CAP2: variants seen among roughly 807,000 people sequenced by gnomAD.
CAP2 encodes the protein cyclase associated actin cytoskeleton regulatory protein 2, also known as adenylyl cyclase-associated protein 2.
In CAP2, 24 loss-of-function variants were observed where a neutral mutation model predicts 57.7. That is an observed-to-expected ratio of 0.42 (90% CI 0.30 to 0.58). The LOEUF (loss-of-function observed/expected upper bound fraction) is 0.58. Among genes scored for constraint, CAP2 ranks in the 20% least tolerant of loss-of-function variants. The probability of loss-of-function intolerance (pLI) is 0.22; values close to 1 mark genes in which losing one functional copy is unlikely to be tolerated. For synonymous variants in CAP2, 194 were observed against 207.2 expected, an observed-to-expected ratio of 0.94 and a Z score of 0.55; for missense variants, 501 against 590.3, an observed-to-expected ratio of 0.85 and a Z score of 1.57.
intron 4 of CAP2, among the ~76,000 whole-genome samples, chr6:17,480,209 C>A (rs1241404220): frequency 2.6e-5 from 4 of 152,166 alleles, no homozygotes; most frequent in African/African-American, 9.7e-5. Flanking sequence ...AGGCCCTTTG[C>A]AACTTATTTC....
chr6:17,507,230 G>C lies in CAP2; in HGVS notation c.362G>C (p.Arg121Thr). 6.2e-7 allele frequency: 1 copy of C among 1,614,196 alleles called. No homozygotes were observed. ...AAGATTCAGGAAATCCAAACTTTCA[G>C]AGAGAGAAACCGGGGGAGTAACATG... ...SEKIQEIQTFRERNRGSNMFN... is the reference protein window; with the variant it reads ...SEKIQEIQTFTERNRGSNMFN... The change falls in exon 5 of 13, where the codon AGA becomes ACA. Residue 121 changes from arginine (R) to threonine (T), a missense_variant. Physicochemically the swap from Arg to Thr is moderately conservative, Grantham distance 71 (BLOSUM62 -1). Coordinates refer to ENST00000229922, the MANE Select transcript of CAP2 (RefSeq NM_006366.3).
At chr6:17,449,448 C>T (rs952855340) in intron 3 of CAP2, among the ~76,000 whole-genome samples, 5 of 151,900 alleles carry the variant, frequency 3.3e-5, no homozygotes, top group Non-Finnish European at 5.9e-5. Context: ...TTCTTGTTGC[C>T]CAGGCTGGAG....
At chr6:17,403,248 C>T (rs1048675809) in intron 1 of CAP2, among the ~76,000 whole-genome samples, 3 of 152,136 alleles carry the variant, frequency 2.0e-5, no homozygotes, top group Non-Finnish European at 2.9e-5. Flanking sequence ...ACTACAGGCG[C>T]GAGCCACCAT....
chr6:17,474,185 C>CTTTTTTT (rs544909381), intron 4 of CAP2, among the ~76,000 whole-genome samples: 68 of 93,202 alleles, frequency 7.3e-4, no homozygotes, highest in Non-Finnish European at 8.5e-4. Flanking sequence ...AAAAAACAGT[C>CTTTTTTT]TTTTTTTTTT....
In CAP2 at chr6:17,517,425, T is replaced by G. The variant is rs115533405; in HGVS notation, c.636+3471T>G. ...AATTACAGAAAAATATAAATGTAGT[T>G]GTCTTCCTTTGTTCTAAAGTGAATA... is the stretch of plus-strand genomic sequence containing the variant. On this transcript the variant is annotated intron_variant, in intron 7 of 12. Transcript: ENST00000229922. Among the ~76,000 whole-genome samples the G allele has an allele frequency of 3.6e-3, 555 of 152,372 alleles. 3 individuals are homozygous for G. The highest frequency in any genetic ancestry group is 0.013 in the African/African-American group (525 of 41,590).
intron 3 of CAP2, among the ~76,000 whole-genome samples, chr6:17,453,548 C>T (rs920652634): frequency 5.3e-5 from 8 of 152,188 alleles, no homozygotes; most frequent in Admixed American, 1.3e-4. Flanking sequence ...GAATCCTTAT[C>T]AAACGGTTAA....
intron 1 of CAP2, among the ~76,000 whole-genome samples, chr6:17,408,764 C>T (rs1759057990): frequency 6.7e-6 from 1 of 149,566 alleles, no homozygotes; most frequent in African/African-American, 2.5e-5. Context: ...GGGTTCATGC[C>T]ATTCTCCTGC....
At chr6:17,508,004 A>G (rs1378015442) in intron 6 of CAP2, among the ~76,000 whole-genome samples, 1 of 152,218 alleles carries the variant, frequency 6.6e-6, no homozygotes, top group African/African-American at 2.4e-5. Context: ...TATTCCCACA[A>G]TAATCAGAGA....
chr6:17,435,152 AC>A, intron 3 of CAP2, among the ~76,000 whole-genome samples: 1 of 107,480 alleles, frequency 9.3e-6, no homozygotes, highest in Admixed American at 1.1e-4. Context: ...AACTAGAAAT[AC>A]CATTTGACCC....
intron 3 of CAP2, among the ~76,000 whole-genome samples, chr6:17,437,741 G>A (rs978610493): frequency 6.6e-6 from 1 of 152,074 alleles, no homozygotes; most frequent in African/African-American, 2.4e-5. Context: ...GCTGGGCATG[G>A]TGGCACATGC....
At chr6:17,448,086 T>C (rs1760309262) in intron 3 of CAP2, among the ~76,000 whole-genome samples, 1 of 152,256 alleles carries the variant, frequency 6.6e-6, no homozygotes, top group African/African-American at 2.4e-5. Context: ...ACAAGGCATG[T>C]ATACATGCAT....
At chr6:17,419,760 T>C (rs1383360921) in intron 1 of CAP2, among the ~76,000 whole-genome samples, 1 of 152,124 alleles carries the variant, frequency 6.6e-6, no homozygotes, top group Non-Finnish European at 1.5e-5. Context: ...CTCAGCTCAC[T>C]GCAACCTCCA....
At chr6:17,544,544 C>CTTT (rs11411180) in intron 11 of CAP2, among the ~76,000 whole-genome samples, 1 of 147,188 alleles carries the variant, frequency 6.8e-6, no homozygotes, top group Non-Finnish European at 1.5e-5. Context: ...TAACTTCTAT[C>CTTT]TTTTTTTTTT....
At chr6:17,544,619 C>A (rs916011504) in intron 11 of CAP2, among the ~76,000 whole-genome samples, 1 of 151,616 alleles carries the variant, frequency 6.6e-6, no homozygotes, top group African/African-American at 2.4e-5. Context: ...GGCGCAATCT[C>A]GGCACACTAC....
At chr6:17,475,604 G>A (rs937728433) in intron 4 of CAP2, among the ~76,000 whole-genome samples, 1 of 152,150 alleles carries the variant, frequency 6.6e-6, no homozygotes, top group Non-Finnish European at 1.5e-5. Flanking sequence ...GACAGATGTC[G>A]CTCAAGCCTT....
chr6:17,425,940 C>T (rs141699061), intron 2 of CAP2, among the ~76,000 whole-genome samples: 1 of 151,860 alleles, frequency 6.6e-6, no homozygotes, highest in Non-Finnish European at 1.5e-5. Flanking sequence ...ACAAAAACTA[C>T]AAAAATTAAC....
intron 4 of CAP2, among the ~76,000 whole-genome samples, chr6:17,495,622 A>G (rs1051219863): frequency 2.0e-5 from 3 of 152,166 alleles, no homozygotes; most frequent in Non-Finnish European, 2.9e-5. Flanking sequence ...ATATGGAGCT[A>G]TGGGACTCCT....
At chr6:17,542,412 AC>A (rs1486667199) in intron 9 of CAP2, among the ~76,000 whole-genome samples, 8 of 152,108 alleles carry the variant, frequency 5.3e-5, no homozygotes, top group Non-Finnish European at 7.4e-5. Context: ...AAGATGAAGG[AC>A]CAAAGTCCCT....
intron 4 of CAP2, among the ~76,000 whole-genome samples, chr6:17,470,342 G>T (rs1026127530): frequency 6.6e-6 from 1 of 152,210 alleles, no homozygotes; most frequent in Non-Finnish European, 1.5e-5. Flanking sequence ...AAGGGTTATT[G>T]TGAGGATTAA....
Sources: gnomAD v4.1 joint callset for allele counts (sites outside exome capture counted in the v4.1 genomes callset) on GRCh38, gnomAD v4.1.1 for gene constraint, MANE v1.5 for transcripts, NCBI Gene and HGNC (gene_info 2026-07-23, HGNC 2026-07-21) for gene names.